STK32B: variants seen among roughly 807,000 people sequenced by gnomAD.
The protein encoded by STK32B is serine/threonine kinase 32B.
STK32B carries 43 observed loss-of-function variants against 52.6 expected under a neutral mutation model. The observed-to-expected ratio is 0.82, with a 90% CI of 0.64 to 1.05. The LOEUF (loss-of-function observed/expected upper bound fraction) is 1.05. Ranked by LOEUF, STK32B falls within the 50% of genes least tolerant of loss-of-function variation. STK32B has a pLI of 0.00. For synonymous variants in STK32B, 238 were observed against 204.3 expected, an observed-to-expected ratio of 1.17 and a Z score of -1.41; for missense variants, 621 against 534.6, an observed-to-expected ratio of 1.16 and a Z score of -1.59.
In STK32B at chr4:5,470,364, C is replaced by T. The variant is rs1016889133; in HGVS notation, c.1106+2294C>T. ...TGAGGCTGGCATAGTTTACCGGAGT[C>T]AGCAAAATAAAGAAAGAGGGCAGAC... On this transcript the variant is annotated intron_variant, in intron 11 of 11. Transcript: ENST00000282908. The surrounding 1 kb of genome is among the most constrained non-coding windows in gnomAD (Gnocchi z 4.6). Among the ~76,000 whole-genome samples the T allele has an allele frequency of 2.0e-5, 3 of 152,198 alleles. No individual in the cohort carries two copies. The highest frequency in any genetic ancestry group is 6.5e-5 in the Admixed American group (1 of 15,290).
chr4:5,023,753 C>G, the STK32B span, among the ~76,000 whole-genome samples: 1 of 152,194 alleles, frequency 6.6e-6, no homozygotes, highest in South Asian at 2.1e-4. Flanking sequence ...AGAGCCCTAT[C>G]TCCTCCCGGT....
intron 3 of STK32B, among the ~76,000 whole-genome samples, chr4:5,264,797 A>G: frequency 6.6e-6 from 1 of 152,228 alleles, no homozygotes; most frequent in East Asian, 1.9e-4. Context: ...AAACAAAAAA[A>G]AAAATTGTTG....
At chr4:5,178,869 C>T (rs1190601009) in intron 3 of STK32B, among the ~76,000 whole-genome samples, 1 of 152,184 alleles carries the variant, frequency 6.6e-6, no homozygotes, top group Admixed American at 6.5e-5. Context: ...GAGTTTCCAA[C>T]TTTCCCACAT....
intron 4 of STK32B, among the ~76,000 whole-genome samples, chr4:5,351,524 T>G (rs753435332): frequency 4.6e-5 from 7 of 151,676 alleles, no homozygotes; most frequent in Non-Finnish European, 7.4e-5. Flanking sequence ...TAGAAAGATT[T>G]CAAATAAACA....
intron 6 of STK32B, among the ~76,000 whole-genome samples, chr4:5,422,730 A>G (rs1161586934): frequency 6.6e-6 from 1 of 152,186 alleles, no homozygotes; most frequent in African/African-American, 2.4e-5. Flanking sequence ...CACAGATTGT[A>G]TGAACATAGT....
chr4:5,216,158 G>GCA (rs2108791366), intron 3 of STK32B, among the ~76,000 whole-genome samples: 1 of 152,240 alleles, frequency 6.6e-6, no homozygotes, highest in East Asian at 1.9e-4. Flanking sequence ...TCACTGGACC[G>GCA]CACCTCAGAG....
intron 11 of STK32B, among the ~76,000 whole-genome samples, chr4:5,494,066 G>T (rs1719983543): frequency 6.6e-6 from 1 of 152,168 alleles, no homozygotes. Flanking sequence ...TTGATTTGGG[G>T]TGGAGAGTTC....
intron 6 of STK32B, among the ~76,000 whole-genome samples, chr4:5,421,264 G>C (rs1712623444): frequency 6.6e-6 from 1 of 151,758 alleles, no homozygotes; most frequent in Non-Finnish European, 1.5e-5. Flanking sequence ...TATTTTTTTT[G>C]TATTTTTAGT....
chr4:5,189,061 G>C (rs1043112168), intron 3 of STK32B, among the ~76,000 whole-genome samples: 5 of 151,612 alleles, frequency 3.3e-5, no homozygotes, highest in Non-Finnish European at 5.9e-5. Context: ...GCAAAATTAA[G>C]AGGAGATTTC....
In STK32B at chr4:5,068,754, T is replaced by C. The variant is rs186713868; in HGVS notation, c.52+16839T>C. Among the ~76,000 whole-genome samples, 749 of 152,318 alleles carry C rather than the reference T, an allele frequency of 4.9e-3. 2 individuals are homozygous for C. The highest frequency in any genetic ancestry group is 0.017 in the African/African-American group (703 of 41,564). On this transcript the variant is annotated intron_variant, in intron 1 of 11. Transcript: ENST00000282908. ...AGAATTTTTTTGCAAGGAAACTTTATATTTCTGCTTTAAATTGGAGCCAGA... is the reference window on the plus strand; with the variant it reads ...AGAATTTTTTTGCAAGGAAACTTTACATTTCTGCTTTAAATTGGAGCCAGA...
At chr4:5,036,659 ATT>A in the STK32B span, among the ~76,000 whole-genome samples, 833 of 74,196 alleles carry the variant, frequency 0.011, 6 homozygotes, top group African/African-American at 0.029. Flanking sequence ...GCAAGGGTGG[ATT>A]TTTTTTTTTT....
At chr4:5,356,476 C>G (rs557526738) in intron 4 of STK32B, among the ~76,000 whole-genome samples, 1 of 152,346 alleles carries the variant, frequency 6.6e-6, no homozygotes, top group East Asian at 1.9e-4. Flanking sequence ...CAATCATGTT[C>G]TGGCTCCAGG....
intron 3 of STK32B, among the ~76,000 whole-genome samples, chr4:5,220,598 T>A (rs974296475): frequency 2.0e-5 from 3 of 152,176 alleles, no homozygotes; most frequent in Non-Finnish European, 4.4e-5. Context: ...GAATTGAGGC[T>A]GGAAAGGCAG....
intron 6 of STK32B, among the ~76,000 whole-genome samples, chr4:5,440,724 T>C (rs1231245859): frequency 6.6e-6 from 1 of 152,226 alleles, no homozygotes; most frequent in Non-Finnish European, 1.5e-5. Context: ...CCATTCAGTA[T>C]GATATTGGCT....
At chr4:5,362,018 AATT>A (rs971420072) in intron 4 of STK32B, among the ~76,000 whole-genome samples, 7 of 152,374 alleles carry the variant, frequency 4.6e-5, no homozygotes, top group Non-Finnish European at 1.0e-4. Context: ...CGAACTTGAA[AATT>A]ATAAATGTTT....
At chr4:5,497,514 C>A (rs1019383897) in intron 11 of STK32B, among the ~76,000 whole-genome samples, 4 of 152,170 alleles carry the variant, frequency 2.6e-5, no homozygotes, top group Non-Finnish European at 5.9e-5. Context: ...CCCAGTTGCC[C>A]TACCTGGAGA....
intron 11 of STK32B, among the ~76,000 whole-genome samples, chr4:5,484,759 C>T (rs1271031614): frequency 6.6e-6 from 1 of 152,152 alleles, no homozygotes; most frequent in African/African-American, 2.4e-5. Context: ...GTGCTTGCTT[C>T]AGGAGCTCTT....
chr4:5,496,172 C>T (rs1294056476), intron 11 of STK32B, among the ~76,000 whole-genome samples: 1 of 152,196 alleles, frequency 6.6e-6, no homozygotes, highest in East Asian at 1.9e-4. Context: ...CTGTGCCCTG[C>T]CCCCAGAGGT....
chr4:5,216,895 T>G (rs1322513091), intron 3 of STK32B, among the ~76,000 whole-genome samples: 2 of 152,240 alleles, frequency 1.3e-5, no homozygotes, highest in Non-Finnish European at 2.9e-5. Context: ...ATTGTAAGTA[T>G]AAGTGCATGG....
Sources: allele counts gnomAD v4.1 joint callset (sites outside exome capture counted in the v4.1 genomes callset), GRCh38; gene constraint gnomAD v4.1.1; non-coding constraint Gnocchi (gnomAD v3.1); transcripts MANE v1.5; gene names NCBI Gene and HGNC (gene_info 2026-07-23, HGNC 2026-07-21).